CPPED1: variants seen among roughly 807,000 people sequenced by gnomAD.
CPPED1 encodes the protein calcineurin like phosphoesterase domain containing 1, also known as serine/threonine-protein phosphatase CPPED1.
In CPPED1, 28 loss-of-function variants were observed where a neutral mutation model predicts 28.0. The ratio of observed to expected loss-of-function variants is 1.00; its 90% CI spans 0.74 to 1.37. CPPED1 has a LOEUF of 1.37. Ranked by LOEUF, CPPED1 falls within the 40% of genes most tolerant of loss-of-function variation. The pLI, the probability that CPPED1 is intolerant of heterozygous loss-of-function variation, is 0.00. For missense variants in CPPED1, 504 were observed against 416.5 expected (o/e 1.21, Z -1.83); for synonymous variants, 198 against 180.2 (o/e 1.10, Z -0.79).
chr16:12,696,089 T>C (rs1183127684), intron 3 of CPPED1, among the ~76,000 whole-genome samples: 1 of 152,198 alleles, frequency 6.6e-6, no homozygotes, highest in Non-Finnish European at 1.5e-5. Context: ...CTGGCTGTAA[T>C]CGTCTATCTT....
intron 3 of CPPED1, among the ~76,000 whole-genome samples, chr16:12,690,858 C>A (rs1484602948): frequency 6.6e-6 from 1 of 152,180 alleles, no homozygotes; most frequent in Admixed American, 6.5e-5. Context: ...TGGCAGATCC[C>A]TTTGGATATC....
intron 3 of CPPED1, among the ~76,000 whole-genome samples, chr16:12,676,667 G>T (rs1227657423): frequency 1.3e-5 from 2 of 152,144 alleles, no homozygotes; most frequent in Admixed American, 1.3e-4. Context: ...CCTGGAGGGG[G>T]TGGCTCTGAC....
chr16:12,707,487 C>A (rs1416748449), intron 2 of CPPED1, among the ~76,000 whole-genome samples: 1 of 152,166 alleles, frequency 6.6e-6, no homozygotes, highest in Non-Finnish European at 1.5e-5. Context: ...CTTCTCCTGG[C>A]TGCCCTGAGA....
chr16:12,771,808 C>T (rs1237471310), intron 2 of CPPED1, among the ~76,000 whole-genome samples: 1 of 152,210 alleles, frequency 6.6e-6, no homozygotes, highest in Non-Finnish European at 1.5e-5. Context: ...CAATTCTATA[C>T]ATTCATTACA....
chr16:12,678,980 T>C lies in CPPED1; in HGVS notation c.716-13865A>G, dbSNP rs1331341056. On this transcript the variant is annotated intron_variant, in intron 3 of 3. Transcript: ENST00000381774. ...ATAAATTTAGTTTTCATATTCCTATTTTTTAGACTTTTGATATGACTGCTA... is the reference window on the plus strand; with the variant it reads ...ATAAATTTAGTTTTCATATTCCTATCTTTTAGACTTTTGATATGACTGCTA... Among the ~76,000 whole-genome samples the C allele has an allele frequency of 2.0e-5, 3 of 152,222 alleles. No individual in the cohort carries two copies. The East Asian group carries it at 5.8e-4, about 29-fold the overall frequency.
chr16:12,801,527 A>G (rs902855329), intron 1 of CPPED1, among the ~76,000 whole-genome samples: 3 of 152,052 alleles, frequency 2.0e-5, no homozygotes, highest in Admixed American at 6.6e-5. Flanking sequence ...TGGCACTACC[A>G]CTTTGGAAGG....
intron 3 of CPPED1, among the ~76,000 whole-genome samples, chr16:12,700,291 G>T (rs544801412): frequency 4.6e-5 from 7 of 152,318 alleles, no homozygotes; most frequent in African/African-American, 1.7e-4. Context: ...GGGAGGGGGT[G>T]CTTGGGAAGA....
At chr16:12,783,724 G>GA (rs200823867) in intron 1 of CPPED1, among the ~76,000 whole-genome samples, 8 of 150,094 alleles carry the variant, frequency 5.3e-5, no homozygotes, top group African/African-American at 9.8e-5. Context: ...CAGAGTTAAA[G>GA]AAAAAAAAAG....
chr16:12,800,295 G>A (rs919640325), intron 1 of CPPED1, among the ~76,000 whole-genome samples: 5 of 152,040 alleles, frequency 3.3e-5, no homozygotes, highest in East Asian at 3.9e-4. Flanking sequence ...AAAAATTAGC[G>A]GGCATGGTGG....
In CPPED1 at chr16:12,694,604, A is replaced by G. The variant is rs920791907; in HGVS notation, c.715+10020T>C. Among the ~76,000 whole-genome samples, 12 of 152,066 alleles carry G rather than the reference A, an allele frequency of 7.9e-5. 1 individual carries two copies. The highest frequency in any genetic ancestry group is 2.7e-4 in the African/African-American group (11 of 41,458). On this transcript the variant is annotated intron_variant, in intron 3 of 3. Coordinates refer to ENST00000381774, the MANE Select transcript of CPPED1 (RefSeq NM_018340.3). The stretch of plus-strand genomic sequence containing the variant: ...TTTTGCGGTGAACTGATTGGAACCT[A>G]AAAAATAGGCCAAACGTGGGAAAAT...
intron 1 of CPPED1, among the ~76,000 whole-genome samples, chr16:12,797,379 T>C: frequency 6.6e-6 from 1 of 151,998 alleles, no homozygotes; most frequent in East Asian, 1.9e-4. Flanking sequence ...AGCGAAACTG[T>C]CTCTACAAAA....
intron 2 of CPPED1, among the ~76,000 whole-genome samples, chr16:12,724,313 TCA>T (rs1341442806): frequency 6.6e-6 from 1 of 152,164 alleles, no homozygotes; most frequent in East Asian, 1.9e-4. Flanking sequence ...CTTCAATTCC[TCA>T]CACACTTTAC....
rs149687270 is a variant in CPPED1, at chr16:12,736,240, C to A, written c.290-31191G>T. 2.5e-3 allele frequency among the ~76,000 whole-genome samples: 387 copies of A among 151,806 alleles called. 1 individual carries two copies. Among genetic ancestry groups the A allele is most frequent in the African/African-American group, 8.9e-3 (367 of 41,404 alleles). ...CAGCAGATGAAGAAAAGGTTAAACA[C>A]CTTTGGATTTTTTTTTTTTTTTTGA... On this transcript the variant is annotated intron_variant, in intron 2 of 3. Coordinates refer to ENST00000381774, the MANE Select transcript of CPPED1 (RefSeq NM_018340.3).
intron 2 of CPPED1, among the ~76,000 whole-genome samples, chr16:12,729,081 A>T (rs2080184516): frequency 6.6e-6 from 1 of 152,092 alleles, no homozygotes; most frequent in Non-Finnish European, 1.5e-5. Flanking sequence ...GCCTGTCACC[A>T]TCTCTGTGCT....
chr16:12,720,078 T>C (rs529108310), intron 2 of CPPED1, among the ~76,000 whole-genome samples: 78 of 152,318 alleles, frequency 5.1e-4, no homozygotes, highest in African/African-American at 1.7e-3. Flanking sequence ...CAAAACTGGA[T>C]GACTTCATAT....
intron 2 of CPPED1, among the ~76,000 whole-genome samples, chr16:12,731,155 AT>A (rs36018134): frequency 0.51 from 69,634 of 136,868 alleles, 17,864 homozygotes; most frequent in Admixed American, 0.6. Flanking sequence ...AAAAAAAAAA[AT>A]TTTTTTTTTT....
At chr16:12,793,175 G>A (rs968384171) in intron 1 of CPPED1, among the ~76,000 whole-genome samples, 10 of 152,172 alleles carry the variant, frequency 6.6e-5, no homozygotes, top group South Asian at 4.1e-4. Flanking sequence ...ACACGATAGC[G>A]GGGGAGATGC....
In CPPED1 at chr16:12,704,986, G is replaced by A. The variant is rs1358115362; in HGVS notation, c.353C>T (p.Ala118Val). 14 of 1,614,206 alleles carry A rather than the reference G, an allele frequency of 8.7e-6. No homozygotes were observed. The highest frequency in any genetic ancestry group is 1.2e-5 in the Non-Finnish European group (14 of 1,180,046). The change falls in exon 3 of 4, where the codon GCC becomes GTC. Residue 118 changes from alanine to valine, a missense_variant. Physicochemically the swap from Ala to Val is moderately conservative, Grantham distance 64. Coordinates refer to ENST00000381774, the MANE Select transcript of CPPED1 (RefSeq NM_018340.3). ...GCCGCTGACAAGGACCAGTGGGATGGCCCTGTCCACTGCCCTAAGCACTCG... is the reference window on the plus strand; with the variant it reads ...GCCGCTGACAAGGACCAGTGGGATGACCCTGTCCACTGCCCTAAGCACTCG... ...LKRVLRAVDR[A>V]IPLVLVSGNH...
intron 2 of CPPED1, among the ~76,000 whole-genome samples, chr16:12,765,424 T>G (rs557017524): frequency 1.3e-5 from 2 of 152,362 alleles, no homozygotes; most frequent in East Asian, 3.9e-4. Context: ...TTAACCTGCT[T>G]AGGATATAAT....
Sources: allele counts gnomAD v4.1 joint callset (sites outside exome capture counted in the v4.1 genomes callset), GRCh38; gene constraint gnomAD v4.1.1; transcripts MANE v1.5; gene names NCBI Gene and HGNC (gene_info 2026-07-23, HGNC 2026-07-21).